The following MID1 variants were observed in gnomAD, a reference collection of about 807,000 sequenced individuals.
The protein encoded by MID1 is midline 1, also known as E3 ubiquitin-protein ligase Midline-1.
Under a neutral mutation model 40.4 loss-of-function variants are expected in MID1, and 7 were observed. That is an observed-to-expected ratio of 0.17 (90% CI 0.10 to 0.33). The LOEUF (loss-of-function observed/expected upper bound fraction) is 0.33, where lower values mean the gene tolerates loss of function less well. Among genes scored for constraint, MID1 ranks in the 10% least tolerant of loss-of-function variants. The pLI is 1.00. For synonymous variants in MID1, 229 were observed against 221.2 expected (o/e 1.04, Z -0.31); for missense variants, 367 against 558.5 (o/e 0.66, Z 3.46).
intron 1 of MID1, among the ~76,000 whole-genome samples, chrX:10,618,787 T>C (rs1466972951): frequency 9.0e-6 from 1 of 111,579 alleles, no homozygotes; most frequent in Non-Finnish European, 1.9e-5. Context: ...ATTCTGGAAA[T>C]TGAGCTCAGA....
intron 1 of MID1, among the ~76,000 whole-genome samples, chrX:10,664,147 T>C (rs141958317): frequency 0.011 from 1,085 of 102,867 alleles, 5 homozygotes; most frequent in South Asian, 0.027. Flanking sequence ...GTTTTGTGTG[T>C]GTATCTGTTT....
At chrX:10,712,906 G>A (rs1381253503) in intron 1 of MID1, among the ~76,000 whole-genome samples, 6 of 110,962 alleles carry the variant, frequency 5.4e-5, no homozygotes, top group Admixed American at 4.8e-4. Flanking sequence ...GCGTGATCTC[G>A]GCTCACCACA....
intron 1 of MID1, among the ~76,000 whole-genome samples, chrX:10,617,647 GTTC>G (rs1935861198): frequency 8.9e-6 from 1 of 111,950 alleles, no homozygotes; most frequent in Admixed American, 9.5e-5. Flanking sequence ...TGAACTATTT[GTTC>G]TTCTTGTGTG....
At chrX:10,462,269 T>C (rs190521911) in intron 7 of MID1, among the ~76,000 whole-genome samples, 2 of 112,259 alleles carry the variant, frequency 1.8e-5, no homozygotes, top group African/African-American at 6.5e-5. Context: ...AATTGAGAAG[T>C]TGATTAAAAA....
chrX:10,822,102 C>T (rs190284850), intron 1 of MID1, among the ~76,000 whole-genome samples: 61 of 109,973 alleles, frequency 5.5e-4, no homozygotes, highest in East Asian at 1.7e-3. Context: ...ATGGCATTTT[C>T]GCAGTAACCA....
chrX:10,521,528 G>A (rs1242845740), intron 3 of MID1, among the ~76,000 whole-genome samples: 1 of 111,341 alleles, frequency 9.0e-6, no homozygotes, highest in East Asian at 2.8e-4. Flanking sequence ...GGGCCAGAAG[G>A]CTTAAAAGTG....
chrX:10,446,025 A>G lies in MID1; in HGVS notation c.*3343T>C, dbSNP rs1452512153. The G allele has an allele frequency of 1.8e-5, 2 of 111,521 alleles. No individual in the cohort carries two copies. The highest frequency in any genetic ancestry group is 3.3e-5 in the African/African-American group (1 of 30,714). The allele number at this position is 111,521 out of a possible 1,213,427, so 9.2% of individuals were successfully genotyped here. On this transcript the variant is annotated 3_prime_UTR_variant, in exon 10 of 10. Transcript: ENST00000317552. ...CTTCGTGGTCGGGGGCTGCGCTTGC[A>G]CTGTAGGATGTTTAACGGCGTCCAT...
chrX:10,467,080 A>T (rs980500664), intron 7 of MID1, among the ~76,000 whole-genome samples: 1 of 111,549 alleles, frequency 9.0e-6, no homozygotes, highest in Non-Finnish European at 1.9e-5. Context: ...AACAAGCTAA[A>T]TAAACATCTA....
intron 2 of MID1, among the ~76,000 whole-genome samples, chrX:10,562,911 T>C (rs926005186): frequency 9.3e-6 from 1 of 107,109 alleles, no homozygotes; most frequent in Non-Finnish European, 1.9e-5. Flanking sequence ...TATGTATATG[T>C]ATATGCAAGT....
intron 3 of MID1, among the ~76,000 whole-genome samples, chrX:10,516,898 A>G (rs1476995023): frequency 9.0e-6 from 1 of 111,334 alleles, no homozygotes; most frequent in Non-Finnish European, 1.9e-5. Flanking sequence ...GATTACAGGC[A>G]TGAGCCACAG....
intron 1 of MID1, among the ~76,000 whole-genome samples, chrX:10,791,847 C>G (rs762515059): frequency 8.9e-6 from 1 of 111,752 alleles, no homozygotes; most frequent in East Asian, 2.8e-4. Flanking sequence ...GTAACAGTTA[C>G]ATTTACCAAT....
chrX:10,764,084 A>G (rs1360192935), intron 1 of MID1, among the ~76,000 whole-genome samples: 1 of 111,950 alleles, frequency 8.9e-6, no homozygotes, highest in Non-Finnish European at 1.9e-5. Flanking sequence ...TCAGATGGGT[A>G]GATTGTAAAC....
At chrX:10,520,198 C>T (rs902098664) in intron 3 of MID1, among the ~76,000 whole-genome samples, 19 of 111,709 alleles carry the variant, frequency 1.7e-4, no homozygotes, top group Non-Finnish European at 5.6e-5. Flanking sequence ...CTTTTAATCC[C>T]CCCTTCTCAA....
chrX:10,520,290 A>C (rs1932644531), intron 3 of MID1, among the ~76,000 whole-genome samples: 2 of 111,910 alleles, frequency 1.8e-5, no homozygotes, highest in African/African-American at 6.5e-5. Context: ...AATGTTGCCC[A>C]TTAAACTGTC....
intron 1 of MID1, among the ~76,000 whole-genome samples, chrX:10,751,062 C>T (rs1045423998): frequency 1.5e-4 from 16 of 110,144 alleles, no homozygotes; most frequent in African/African-American, 4.3e-4. Flanking sequence ...GTCAGGAGTT[C>T]GAAACCAGCT....
At chrX:10,499,731 A>T (rs1300453064) in intron 3 of MID1, among the ~76,000 whole-genome samples, 1 of 112,172 alleles carries the variant, frequency 8.9e-6, no homozygotes, top group Non-Finnish European at 1.9e-5. Flanking sequence ...TCAAAAATCA[A>T]TTGACCACAT....
chrX:10,771,636 C>T (rs1399350178), intron 1 of MID1, among the ~76,000 whole-genome samples: 5 of 104,595 alleles, frequency 4.8e-5, no homozygotes, highest in African/African-American at 1.0e-4. Context: ...AGATTACAGG[C>T]GCCTGACACC....
At chrX:10,543,180 G>A (rs192387903) in intron 2 of MID1, among the ~76,000 whole-genome samples, 5 of 112,107 alleles carry the variant, frequency 4.5e-5, no homozygotes, top group East Asian at 2.8e-4. Context: ...TCCTATCAAC[G>A]ATGGTCCTAT....
chrX:10,754,404 G>C (rs1347626133), intron 1 of MID1, among the ~76,000 whole-genome samples: 1 of 109,989 alleles, frequency 9.1e-6, no homozygotes, highest in Non-Finnish European at 1.9e-5. Flanking sequence ...AGACGTTGTG[G>C]GTTCAAATGT....
Sources: allele counts gnomAD v4.1 joint callset (sites outside exome capture counted in the v4.1 genomes callset), GRCh38; gene constraint gnomAD v4.1.1; transcripts MANE v1.5; gene names NCBI Gene and HGNC (gene_info 2026-07-23, HGNC 2026-07-21).